Variants in PBX1 observed in about 807,000 individuals in gnomAD.
The protein encoded by PBX1 is pre-B-cell leukemia transcription factor 1.
In PBX1, 6 loss-of-function variants were observed where a neutral mutation model predicts 53.4. That is an observed-to-expected ratio of 0.11 (90% confidence interval 0.06 to 0.22). The LOEUF (loss-of-function observed/expected upper bound fraction) is 0.22. Among genes scored for constraint, PBX1 ranks in the 10% least tolerant of loss-of-function variants. PBX1 has a pLI of 1.00. For synonymous variants in PBX1, 204 were observed against 212.3 expected, an observed-to-expected ratio of 0.96 and a Z score of 0.34; for missense variants, 251 against 551.4, an observed-to-expected ratio of 0.46 and a Z score of 5.46.
At chr1:164,800,750 T>C (rs189427066) in intron 4 of PBX1, among the ~76,000 whole-genome samples, 2 of 152,236 alleles carry the variant, frequency 1.3e-5, no homozygotes, top group African/African-American at 4.8e-5. Context: ...TGCTTTGTGA[T>C]CTAGAGTTTG....
intron 2 of PBX1, among the ~76,000 whole-genome samples, chr1:164,660,334 TGGG>T (rs1246178948): frequency 2.0e-5 from 3 of 152,150 alleles, no homozygotes; most frequent in African/African-American, 7.2e-5. Context: ...CCTGGAGCTT[TGGG>T]GAACTTACAC....
chr1:164,599,474 C>T (rs1479933112), intron 2 of PBX1, among the ~76,000 whole-genome samples: 1 of 152,084 alleles, frequency 6.6e-6, no homozygotes, highest in Non-Finnish European at 1.5e-5. Flanking sequence ...CCAGCGGCCT[C>T]TTCTTAATTT....
At chr1:164,707,418 T>TGTGTGTGTGTGTGAGAGA (rs58617739) in intron 2 of PBX1, among the ~76,000 whole-genome samples, 2 of 118,214 alleles carry the variant, frequency 1.7e-5, no homozygotes, top group African/African-American at 7.7e-5. Context: ...TGTGTGTGTG[T>TGTGTGTGTGTGTGAGAGA]GAGAGAGAGA....
chr1:164,694,757 C>G (rs188583311), intron 2 of PBX1, among the ~76,000 whole-genome samples: 3 of 152,300 alleles, frequency 2.0e-5, no homozygotes, highest in East Asian at 3.9e-4. Context: ...TGTGTTGATA[C>G]TACCAGCAAG....
intron 2 of PBX1, among the ~76,000 whole-genome samples, chr1:164,742,643 C>T (rs1665673537): frequency 6.6e-6 from 1 of 152,132 alleles, no homozygotes; most frequent in Admixed American, 6.5e-5. Flanking sequence ...CCAATATCTA[C>T]GTTAGAACTC....
chr1:164,830,177 T>C (rs1310731796), intron 8 of PBX1, among the ~76,000 whole-genome samples: 1 of 152,088 alleles, frequency 6.6e-6, no homozygotes, highest in Non-Finnish European at 1.5e-5. Context: ...GAAAATATAA[T>C]TTAAAAATTT....
intron 2 of PBX1, among the ~76,000 whole-genome samples, chr1:164,630,576 C>G (rs1557902502): frequency 1.3e-5 from 2 of 152,066 alleles, no homozygotes. Context: ...TCCTACCAAG[C>G]AGATAAGATG....
At chr1:164,681,021 T>C (rs1331361489) in intron 2 of PBX1, among the ~76,000 whole-genome samples, 1 of 152,156 alleles carries the variant, frequency 6.6e-6, no homozygotes. Flanking sequence ...CCCAGCACTT[T>C]GGGAGGCCAT....
At chr1:164,710,372 G>A (rs148409081) in intron 2 of PBX1, among the ~76,000 whole-genome samples, 96 of 152,078 alleles carry the variant, frequency 6.3e-4, no homozygotes, top group African/African-American at 2.1e-3. Context: ...TATATTGAGC[G>A]TGTAGGCAGG....
At chr1:164,751,621 C>T (rs1165870485) in intron 2 of PBX1, among the ~76,000 whole-genome samples, 1 of 134,768 alleles carries the variant, frequency 7.4e-6, no homozygotes. Flanking sequence ...CTTGCTCTGT[C>T]GCCCAGCCTA....
intron 2 of PBX1, among the ~76,000 whole-genome samples, chr1:164,627,674 G>A (rs762515902): frequency 6.6e-6 from 1 of 152,218 alleles, no homozygotes; most frequent in Non-Finnish European, 1.5e-5. Context: ...AGCTCTGGAA[G>A]GAATAGACGA....
intron 2 of PBX1, among the ~76,000 whole-genome samples, chr1:164,877,046 G>A (rs1175650366): frequency 6.6e-6 from 1 of 151,760 alleles, no homozygotes; most frequent in Non-Finnish European, 1.5e-5. Flanking sequence ...ATGGCTTTAT[G>A]TACATTATCT....
intron 2 of PBX1, among the ~76,000 whole-genome samples, chr1:164,869,289 A>G (rs1218679947): frequency 2.0e-5 from 3 of 152,194 alleles, no homozygotes; most frequent in African/African-American, 7.2e-5. Flanking sequence ...GTCCATAGTT[A>G]AAACCCCAGG....
intron 2 of PBX1, among the ~76,000 whole-genome samples, chr1:164,655,511 A>G (rs963507619): frequency 1.3e-5 from 2 of 152,202 alleles, no homozygotes; most frequent in African/African-American, 4.8e-5. Context: ...TGAGTACAAC[A>G]TTGAGATACA....
chr1:164,718,226 A>G (rs1441194748), intron 2 of PBX1, among the ~76,000 whole-genome samples: 1 of 152,214 alleles, frequency 6.6e-6, no homozygotes, highest in Non-Finnish European at 1.5e-5. Context: ...AATGTGTAAT[A>G]AAAACTTGCA....
intron 2 of PBX1, chr1:164,700,691 G>T: frequency 5.1e-6 from 5 of 985,362 alleles, no homozygotes; most frequent in Non-Finnish European, 6.0e-6. Context: ...GATGGAAGGG[G>T]ACCCAACTCT....
At chr1:164,569,563 C>CTTTTT (rs1653680438) in intron 2 of PBX1, among the ~76,000 whole-genome samples, 2 of 106,534 alleles carry the variant, frequency 1.9e-5, no homozygotes, top group Non-Finnish European at 1.9e-5. Context: ...TTTTTCCTTG[C>CTTTTT]ATTTTTTTTT....
intron 2 of PBX1, chr1:164,684,288 A>G (rs1018861605): frequency 2.0e-5 from 3 of 152,196 alleles, no homozygotes; most frequent in African/African-American, 7.2e-5. Context: ...GGCAGGTAAC[A>G]TTATCATCAT....
chr1:164,735,672 C>G (rs764777210), intron 2 of PBX1, among the ~76,000 whole-genome samples: 2 of 152,134 alleles, frequency 1.3e-5, no homozygotes, highest in African/African-American at 2.4e-5. Context: ...CAAGGCTCCC[C>G]CTAAGGCCAT....
Sources: allele counts gnomAD v4.1 joint callset (sites outside exome capture counted in the v4.1 genomes callset), GRCh38; gene constraint gnomAD v4.1.1; transcripts MANE v1.5; gene names NCBI Gene and HGNC (gene_info 2026-07-23, HGNC 2026-07-21).